Variants in RGS8 observed in about 807,000 individuals in gnomAD.
RGS8 encodes regulator of G protein signaling 8, also known as regulator of G-protein signaling 8.
A neutral mutation model predicts 21.7 loss-of-function variants in RGS8; 8 were observed. That is an observed-to-expected ratio of 0.37 (90% confidence interval 0.22 to 0.66). The LOEUF (loss-of-function observed/expected upper bound fraction) is 0.66. RGS8 is among the 30% of genes least tolerant of loss of function. The pLI is 0.59. For synonymous variants in RGS8, 80 were observed against 83.6 expected (o/e 0.96, Z 0.24); for missense variants, 157 against 217.9 (o/e 0.72, Z 1.76).
In RGS8 at chr1:182,666,880, G is replaced by A. The variant is rs113414133; in HGVS notation, c.120C>T (p.Arg40=). The A allele has an allele frequency of 2.4e-4, 380 of 1,613,450 alleles. 2 individuals are homozygous for A. The African/African-American group carries it at 4.2e-3, about 18-fold the overall frequency. Residue 40 remains arginine (R), a synonymous_variant, in exon 4 of 7, where the codon CGC becomes CGT. Transcript: ENST00000483095. ...GTGGCCGTACTACTCACTTGAGAGC[G>A]CGGTTGGGTTTGTCTGGAAGAATAG...
the RGS8 span, among the ~76,000 whole-genome samples, chr1:182,740,879 A>G: frequency 2.0e-5 from 3 of 152,146 alleles, no homozygotes; most frequent in African/African-American, 7.2e-5. Flanking sequence ...GGGTAAGGTC[A>G]CCTATCAACA....
the RGS8 span, among the ~76,000 whole-genome samples, chr1:182,736,766 G>A: frequency 6.6e-6 from 1 of 152,184 alleles, no homozygotes; most frequent in East Asian, 1.9e-4. Context: ...CTGCATCAGA[G>A]AATAGGTTCT....
the RGS8 span, among the ~76,000 whole-genome samples, chr1:182,723,034 G>C: frequency 7.2e-5 from 11 of 151,860 alleles, no homozygotes; most frequent in African/African-American, 2.7e-4. Context: ...AAAGATGCCA[G>C]TCACTGGATT....
At chr1:182,718,681 A>G in the RGS8 span, among the ~76,000 whole-genome samples, 1 of 152,352 alleles carries the variant, frequency 6.6e-6, no homozygotes, top group East Asian at 1.9e-4. Flanking sequence ...CCCTAGAACA[A>G]TATGAGAAAA....
upstream of RGS8, among the ~76,000 whole-genome samples, chr1:182,688,464 C>T (rs570079931): frequency 3.9e-5 from 6 of 152,074 alleles, no homozygotes; most frequent in African/African-American, 7.2e-5. Flanking sequence ...GAAAAAGAGG[C>T]GAAGTGTTAT....
chr1:182,719,708 C>A, the RGS8 span, among the ~76,000 whole-genome samples: 3 of 150,752 alleles, frequency 2.0e-5, no homozygotes, highest in African/African-American at 7.3e-5. Flanking sequence ...TGATTATAGG[C>A]ATGAGCCACC....
rs1001318649 is a variant in RGS8, at chr1:182,671,682, G to A, written c.-129C>T. 3 of 1,614,118 alleles carry A rather than the reference G, an allele frequency of 1.9e-6. No homozygotes were observed. The highest frequency in any genetic ancestry group is 2.2e-5 in the East Asian group (1 of 44,892). On this transcript the variant is annotated 5_prime_UTR_variant, in exon 2 of 7. An upstream open reading frame in the 5' UTR gains an earlier in-frame stop. Transcript: ENST00000483095. ...TGTCTTTGGCCAGTCCTCATGGCCT[G>A]AGGGTCTTTGCCAACTGGATGGTCA... is the stretch of plus-strand genomic sequence containing the variant.
upstream of RGS8, among the ~76,000 whole-genome samples, chr1:182,677,882 CAGG>C: frequency 6.6e-6 from 1 of 152,298 alleles, no homozygotes; most frequent in East Asian, 1.9e-4. Context: ...GAAACAAAAT[CAGG>C]AGATGTTAGA....
chr1:182,722,470 G>A, the RGS8 span, among the ~76,000 whole-genome samples: 3 of 151,482 alleles, frequency 2.0e-5, no homozygotes, highest in African/African-American at 7.3e-5. Context: ...AGCCTGCCAT[G>A]CTCCCTCCTG....
At chr1:182,736,700 G>A in the RGS8 span, among the ~76,000 whole-genome samples, 1 of 152,224 alleles carries the variant, frequency 6.6e-6, no homozygotes, top group Non-Finnish European at 1.5e-5. Context: ...ACCATGCAGT[G>A]TGCGCTGGAC....
chr1:182,705,729 G>A, the RGS8 span, among the ~76,000 whole-genome samples: 1 of 152,146 alleles, frequency 6.6e-6, no homozygotes, highest in Non-Finnish European at 1.5e-5. Flanking sequence ...TTTTAAACAA[G>A]ACAGTATATA....
chr1:182,732,301 A>ACACACACACACACACACC, the RGS8 span, among the ~76,000 whole-genome samples: 588 of 150,634 alleles, frequency 3.9e-3, 1 homozygote, highest in Middle Eastern at 0.027. Context: ...ACACACACAC[A>ACACACACACACACACACC]CCCACTGTAG....
At chr1:182,698,138 C>T in the RGS8 span, among the ~76,000 whole-genome samples, 2 of 152,222 alleles carry the variant, frequency 1.3e-5, no homozygotes, top group Admixed American at 1.3e-4. Context: ...CCTTCTGGCT[C>T]AGTGGCTGCT....
the RGS8 span, among the ~76,000 whole-genome samples, chr1:182,741,254 G>A: frequency 2.8e-5 from 4 of 140,724 alleles, no homozygotes; most frequent in Admixed American, 6.9e-5. Context: ...CCCAGTAGGC[G>A]CGGCCGGGCA....
chr1:182,748,941 T>C, the RGS8 span, among the ~76,000 whole-genome samples: 282 of 152,282 alleles, frequency 1.9e-3, 1 homozygote, highest in Non-Finnish European at 3.3e-3. Context: ...CCTATTTTTT[T>C]TATCAGGTTA....
At chr1:182,711,240 G>GAAGAAGTACTTCT in the RGS8 span, among the ~76,000 whole-genome samples, 1 of 152,272 alleles carries the variant, frequency 6.6e-6, no homozygotes, top group Non-Finnish European at 1.5e-5. Flanking sequence ...CACTACTTCT[G>GAAGAAGTACTTCT]GCAAGGCTTG....
exon 3 of RGS8, chr1:182,669,664 A>G (rs1376145957): frequency 6.2e-7 from 1 of 1,614,254 alleles, no homozygotes; most frequent in South Asian, 1.1e-5. Flanking sequence ...GCATCAGCTT[A>G]CGGTTAACCC....
At chr1:182,748,600 A>T in the RGS8 span, among the ~76,000 whole-genome samples, 2 of 152,136 alleles carry the variant, frequency 1.3e-5, no homozygotes, top group Non-Finnish European at 2.9e-5. Context: ...ATTGATTTCA[A>T]TTTCTTTGGA....
chr1:182,650,745 C>G, intron 5 of RGS8, among the ~76,000 whole-genome samples: 1 of 152,122 alleles, frequency 6.6e-6, no homozygotes, highest in Admixed American at 6.5e-5. Flanking sequence ...TCCAGCGATT[C>G]GGGAAGTTGA....
Sources: gnomAD v4.1 joint callset for allele counts (sites outside exome capture counted in the v4.1 genomes callset) on GRCh38, gnomAD v4.1.1 for gene constraint, MANE v1.5 for transcripts, NCBI Gene and HGNC (gene_info 2026-07-23, HGNC 2026-07-21) for gene names.